The following NOXA1 variants were observed in gnomAD, a reference collection of about 807,000 sequenced individuals.
The protein encoded by NOXA1 is NCF2-like protein.
NOXA1 carries 56 observed loss-of-function variants against 64.8 expected under a neutral mutation model. The ratio of observed to expected loss-of-function variants is 0.86; its 90% CI spans 0.70 to 1.08. The LOEUF (loss-of-function observed/expected upper bound fraction) is 1.08. Ranked by LOEUF, NOXA1 falls within the 50% of genes least tolerant of loss-of-function variation. NOXA1 has a pLI of 0.00. For missense variants in NOXA1, 668 were observed against 658.5 expected (o/e 1.01, Z -0.16); for synonymous variants, 295 against 294.8 (o/e 1.00, Z -0.01).
chr9:137,433,329 C>T, intron 10 of NOXA1, 66 bp downstream of exon 10: 1 of 1,499,582 alleles, frequency 6.7e-7, no homozygotes, highest in Non-Finnish European at 8.9e-7. Flanking sequence ...CCCCATCCCT[C>T]AGAATCAAGG....
chr9:137,434,091 A>G lies in NOXA1; in HGVS notation c.1294+12A>G, dbSNP rs1297789452. On this transcript the variant is annotated intron_variant, in intron 13 of 13. Coordinates refer to ENST00000683555, the MANE Select transcript of NOXA1 (RefSeq NM_001256067.2). Reference sequence around the variant, plus strand: ...CGTCCTGTGTGAAGGTAGGGTGGGCATGGCCCTTCCCAGGCAGCACCGTGG... The same window carrying G: ...CGTCCTGTGTGAAGGTAGGGTGGGCGTGGCCCTTCCCAGGCAGCACCGTGG... 1 of 1,584,708 alleles carries G rather than the reference A, an allele frequency of 6.3e-7. No individual in the cohort carries two copies. The highest frequency in any genetic ancestry group is 8.6e-7 in the Non-Finnish European group (1 of 1,169,436).
chr9:137,433,655 C>T lies in NOXA1; in HGVS notation c.1064+48C>T, dbSNP rs778652200. Reference sequence around the variant, plus strand: ...GCTGCGGTGGAGCTGGGCACCGCCCCGACTGAGGCAGCTGCTGGAAGAGGG... The same window carrying T: ...GCTGCGGTGGAGCTGGGCACCGCCCTGACTGAGGCAGCTGCTGGAAGAGGG... On this transcript the variant is annotated intron_variant, in intron 11 of 13. Transcript: ENST00000683555. 1.6e-5 allele frequency: 25 copies of T among 1,520,038 alleles called. No homozygotes were observed. In the Admixed American group the frequency reaches 3.4e-4, roughly 21 times the overall value. The allele number at this position is 1,520,038 out of a possible 1,614,324, so 94.2% of individuals were successfully genotyped here.
chr9:137,432,617 C>T (rs1166519682), intron 8 of NOXA1, among the ~76,000 whole-genome samples: 1 of 152,218 alleles, frequency 6.6e-6, no homozygotes, highest in African/African-American at 2.4e-5. Context: ...AGGGTCTAGC[C>T]AGCGCTGGGC....
At chr9:137,429,457 G>A (rs1006598899) in intron 5 of NOXA1, 74 bp downstream of exon 5, 2 of 1,080,290 alleles carry the variant, frequency 1.9e-6, no homozygotes, top group African/African-American at 1.6e-5. Context: ...AGGGATGGGG[G>A]GAGGTGCAGT....
intron 3 of NOXA1, 134 bp downstream of exon 3, chr9:137,428,275 T>G: frequency 7.8e-6 from 5 of 641,638 alleles, no homozygotes; most frequent in Non-Finnish European, 1.3e-5. Context: ...CCCTGGCCAC[T>G]CCTTGACCCG....
chr9:137,433,071 C>T lies in NOXA1; in HGVS notation c.847C>T (p.Pro283Ser), dbSNP rs1247890700. ...EQVGKQAPLSPGLPAMGGPGP... is the reference protein window; with the variant it reads ...EQVGKQAPLSSGLPAMGGPGP... The stretch of plus-strand genomic sequence containing the variant: ...AGTTGGCAAACAGGCTCCTCTCTCC[C>T]CAGGTATGGGCGTCCTCAGCGGCGG... The change falls in exon 9 of 14, where the codon CCA becomes TCA. Residue 283 changes from proline (P) to serine (S), a missense_variant. Coordinates refer to ENST00000683555, the MANE Select transcript of NOXA1 (RefSeq NM_001256067.2). 6.2e-7 allele frequency: 1 copy of T among 1,612,840 alleles called. No individual in the cohort carries two copies. The highest frequency in any genetic ancestry group is 1.1e-5 in the South Asian group (1 of 91,078).
At chr9:137,429,453 G>A in intron 5 of NOXA1, 70 bp downstream of exon 5, 3 of 1,155,012 alleles carry the variant, frequency 2.6e-6, no homozygotes, top group Non-Finnish European at 3.8e-6. Context: ...TCCCAGGGAT[G>A]GGGGGAGGTG....
intron 6 of NOXA1, 89 bp from the exon 7 acceptor site, chr9:137,430,986 A>G (rs1839084062): frequency 3.1e-5 from 49 of 1,603,240 alleles, no homozygotes; most frequent in Non-Finnish European, 3.8e-5. Flanking sequence ...CCTGTGTAAG[A>G]CCTGGGGAAA....
rs562914368 is a variant in NOXA1 at position 137,431,905 on chromosome 9, C to T, written c.804+564C>T. On this transcript the variant is annotated intron_variant, in intron 8 of 13. Transcript: ENST00000683555. This position sits in a 1 kb window ranked among gnomAD's most constrained non-coding sequence, Gnocchi z 5.6. ...GAAGGCACCTGCATTTCACGCTGAG[C>T]GCATCTGAGGATGCGATCAGGAAGC... 6.6e-6 allele frequency among the ~76,000 whole-genome samples: 1 copy of T among 152,268 alleles called. No individual in the cohort carries two copies. Among genetic ancestry groups the T allele is most frequent in the South Asian group, 2.1e-4 (1 of 4,824 alleles).
chr9:137,423,856 C>A, intron 1 of NOXA1, 150 bp downstream of exon 1: 1 of 643,038 alleles, frequency 1.6e-6, no homozygotes, highest in Non-Finnish European at 2.2e-6. Context: ...GCAGGGGGGC[C>A]GCACCTGAGC....
chr9:137,425,532 C>A (rs185958830), intron 1 of NOXA1, among the ~76,000 whole-genome samples: 1 of 152,172 alleles, frequency 6.6e-6, no homozygotes, highest in Admixed American at 6.5e-5. Flanking sequence ...ACTACAGGCG[C>A]GTGCCGCCAT....
Position 137,430,821 on chromosome 9 carries a change from G to T in NOXA1, c.650G>T (p.Gly217Val), listed in dbSNP as rs1839077605. 4 of 1,591,098 alleles carry T rather than the reference G, an allele frequency of 2.5e-6. No individual in the cohort carries two copies. The highest frequency in any genetic ancestry group is 2.2e-5 in the East Asian group (1 of 44,592). ...ASAIPDDQGW[G>V]VRPQQPQGPG... ...GCCATCCCCGACGACCAGGGCTGGG[G>T]CGTCCGCCCTCAGCAGCCACAGGTG... The change falls in exon 6 of 14, where the codon GGC becomes GTC. Residue 217 changes from glycine to valine, a missense_variant. By Grantham distance (109) the Gly-to-Val change is moderately radical (BLOSUM62 -3). Transcript: ENST00000683555.
chr9:137,432,821 G>A (rs1174597784), intron 8 of NOXA1, among the ~76,000 whole-genome samples: 1 of 152,212 alleles, frequency 6.6e-6, no homozygotes, highest in Non-Finnish European at 1.5e-5. Context: ...CTCCCTCCTG[G>A]TGACAGGCAG....
At position 137,433,522 on chromosome 9, in the gene NOXA1, A is replaced by G; in HGVS notation, c.979A>G (p.Arg327Gly). The G allele has an allele frequency of 6.3e-7, 1 of 1,597,734 alleles. No homozygotes were observed. Among genetic ancestry groups the G allele is most frequent in the Non-Finnish European group, 8.5e-7 (1 of 1,175,648 alleles). Reference protein sequence around the residue: ...TVQCAFTVALRARRGADLSSL... With the variant: ...TVQCAFTVALGARRGADLSSL... Reference sequence around the variant, plus strand: ...GCAGTGCGCCTTCACAGTGGCCCTGAGGGCACGAAGAGGAGCCGACCTGTC... The same window carrying G: ...GCAGTGCGCCTTCACAGTGGCCCTGGGGGCACGAAGAGGAGCCGACCTGTC... Residue 327 changes from arginine (R) to glycine (G), a missense_variant, in exon 11 of 14, where the codon AGG becomes GGG. By Grantham distance (125) the Arg-to-Gly change is moderately radical. Coordinates refer to ENST00000683555, the MANE Select transcript of NOXA1 (RefSeq NM_001256067.2).
At chr9:137,432,318 G>C (rs190968359) in intron 8 of NOXA1, among the ~76,000 whole-genome samples, 2 of 145,220 alleles carry the variant, frequency 1.4e-5, no homozygotes, top group Non-Finnish European at 3.0e-5. Flanking sequence ...AGTGGCTCAC[G>C]CCTGTAATCC....
chr9:137,426,200 G>A (rs756170198), intron 1 of NOXA1, 48 bp from the exon 2 acceptor site: 12 of 1,527,418 alleles, frequency 7.9e-6, no homozygotes, highest in East Asian at 2.3e-5. Context: ...GTGATGCTGC[G>A]TGACCAGGTT....
At chr9:137,425,281 A>C (rs1838807663) in intron 1 of NOXA1, among the ~76,000 whole-genome samples, 1 of 152,232 alleles carries the variant, frequency 6.6e-6, no homozygotes, top group Non-Finnish European at 1.5e-5. Context: ...TTTAAGGAAG[A>C]GCTGTGCTTT....
At chr9:137,432,128 GT>G (rs1425591221) in intron 8 of NOXA1, among the ~76,000 whole-genome samples, 1 of 152,050 alleles carries the variant, frequency 6.6e-6, no homozygotes, top group Non-Finnish European at 1.5e-5. Flanking sequence ...CTAATAATAA[GT>G]TACAATCGAG....
chr9:137,423,424 A>T lies in NOXA1; in HGVS notation c.-106A>T. Reference sequence around the variant, plus strand: ...GTTGCACCTGGCGCTTGGCGCCCGCACCTCTGCCCGCCTCGGAGACCCCGC... The same window carrying T: ...GTTGCACCTGGCGCTTGGCGCCCGCTCCTCTGCCCGCCTCGGAGACCCCGC... On this transcript the variant is annotated 5_prime_UTR_variant, in exon 1 of 14. Coordinates refer to ENST00000683555, the MANE Select transcript of NOXA1 (RefSeq NM_001256067.2). 1 of 688,918 alleles carries T rather than the reference A, an allele frequency of 1.5e-6. No individual in the cohort carries two copies. Among genetic ancestry groups the T allele is most frequent in the Non-Finnish European group, 1.9e-6 (1 of 516,334 alleles). 42.7% of individuals were successfully genotyped at this position (688,918 alleles called of 1,614,324 possible). A position where few individuals can be genotyped will look rare whatever the true frequency, so the allele number is the denominator to read the frequency against.
Sources: allele counts gnomAD v4.1 joint callset (sites outside exome capture counted in the v4.1 genomes callset), GRCh38; gene constraint gnomAD v4.1.1; non-coding constraint Gnocchi (gnomAD v3.1); transcripts MANE v1.5; gene names NCBI Gene and HGNC (gene_info 2026-07-23, HGNC 2026-07-21).